Variants in SLC38A12 observed in about 807,000 individuals in gnomAD.
The protein encoded by SLC38A12 is putative sodium-coupled neutral amino acid transporter 12.
the SLC38A12 span, chr17:74,837,384 C>T: frequency 4.0e-5 from 39 of 985,556 alleles, no homozygotes; most frequent in Middle Eastern, 1.0e-3. Flanking sequence ...TACAGGGACA[C>T]AGCCGCCTGC....
chr17:74,821,291 A>G, the SLC38A12 span, among the ~76,000 whole-genome samples: 2 of 152,238 alleles, frequency 1.3e-5, no homozygotes, highest in Admixed American at 1.3e-4. Flanking sequence ...TTGGGCATCA[A>G]GCTGACACGA....
At chr17:74,789,688 A>G in the SLC38A12 span, among the ~76,000 whole-genome samples, 1 of 151,918 alleles carries the variant, frequency 6.6e-6, no homozygotes, top group South Asian at 2.1e-4. Context: ...TCTACTAAAA[A>G]TACAAAATTA....
the SLC38A12 span, among the ~76,000 whole-genome samples, chr17:74,794,232 A>G: frequency 6.6e-6 from 1 of 152,142 alleles, no homozygotes; most frequent in Non-Finnish European, 1.5e-5. Context: ...TCATGGACTT[A>G]CTGGGGTCCT....
the SLC38A12 span, among the ~76,000 whole-genome samples, chr17:74,782,462 G>A: frequency 2.0e-4 from 31 of 152,254 alleles, no homozygotes; most frequent in African/African-American, 7.2e-4. Context: ...TGTATCCTCA[G>A]CTCCAAGCAC....
the SLC38A12 span, among the ~76,000 whole-genome samples, chr17:74,811,045 T>C: frequency 0.24 from 37,257 of 152,260 alleles, 4,894 homozygotes; most frequent in East Asian, 0.42. Context: ...AGAATAGTAC[T>C]GGGGCTGGGC....
At chr17:74,827,298 C>CT in the SLC38A12 span, among the ~76,000 whole-genome samples, 249 of 140,364 alleles carry the variant, frequency 1.8e-3, no homozygotes, top group South Asian at 3.5e-3. This position sits in a 1 kb window ranked among gnomAD's most constrained non-coding sequence, Gnocchi z 4.7. Flanking sequence ...CAGTCATCTC[C>CT]TTTTTTTTTT....
chr17:74,808,828 C>T, the SLC38A12 span, among the ~76,000 whole-genome samples: 1 of 152,328 alleles, frequency 6.6e-6, no homozygotes, highest in African/African-American at 2.4e-5. Flanking sequence ...TCTGGGCAGA[C>T]ACAGGCTCCC....
At chr17:74,825,852 A>C in the SLC38A12 span, among the ~76,000 whole-genome samples, 1 of 152,186 alleles carries the variant, frequency 6.6e-6, no homozygotes, top group Non-Finnish European at 1.5e-5. Flanking sequence ...TCAGGCCGTC[A>C]TATACATCTG....
the SLC38A12 span, among the ~76,000 whole-genome samples, chr17:74,782,074 G>T: frequency 3.9e-5 from 6 of 152,056 alleles, no homozygotes; most frequent in African/African-American, 7.2e-5. Context: ...GCTTCATAAC[G>T]CCTCTCTCAA....
chr17:74,818,175 C>A, the SLC38A12 span, among the ~76,000 whole-genome samples: 1 of 152,212 alleles, frequency 6.6e-6, no homozygotes, highest in Non-Finnish European at 1.5e-5. Flanking sequence ...GCTCCTCTCC[C>A]TGGGCTGAGG....
At chr17:74,777,617 C>T in the SLC38A12 span, 1 of 1,476,822 alleles carries the variant, frequency 6.8e-7, no homozygotes, top group Non-Finnish European at 9.0e-7. Flanking sequence ...AATCGCCATG[C>T]TGTTTATAAT....
chr17:74,782,033 AT>A, the SLC38A12 span, among the ~76,000 whole-genome samples: 2 of 152,066 alleles, frequency 1.3e-5, no homozygotes, highest in Non-Finnish European at 2.9e-5. Flanking sequence ...ATGCTTTCCC[AT>A]TGTGTCTTCT....
the SLC38A12 span, among the ~76,000 whole-genome samples, chr17:74,813,667 A>G: frequency 6.6e-6 from 1 of 151,658 alleles, no homozygotes; most frequent in African/African-American, 2.4e-5. Context: ...CGCCTGGCTA[A>G]TTTTTGTATT....
chr17:74,819,654 C>A, the SLC38A12 span: 1 of 1,234,374 alleles, frequency 8.1e-7, no homozygotes, highest in Non-Finnish European at 1.2e-6. Context: ...CCGGCCTTAG[C>A]TATGGGCGGA....
chr17:74,839,405 G>C, the SLC38A12 span: 1 of 370,902 alleles, frequency 2.7e-6, no homozygotes, highest in Non-Finnish European at 5.0e-6. Context: ...CCTGGGGGAA[G>C]TGGAAGCGTC....
the SLC38A12 span, among the ~76,000 whole-genome samples, chr17:74,800,957 T>C: frequency 6.6e-6 from 1 of 152,122 alleles, no homozygotes; most frequent in Non-Finnish European, 1.5e-5. Flanking sequence ...GTCAAGAGTG[T>C]CCCTTCCTGG....
At chr17:74,805,535 C>A in the SLC38A12 span, among the ~76,000 whole-genome samples, 2 of 152,222 alleles carry the variant, frequency 1.3e-5, no homozygotes, top group Non-Finnish European at 2.9e-5. This position sits in a 1 kb window ranked among gnomAD's most constrained non-coding sequence, Gnocchi z 5.0. Flanking sequence ...AAGCTGGGGG[C>A]TTGCTGATGT....
the SLC38A12 span, chr17:74,838,655 C>T: frequency 2.9e-6 from 4 of 1,397,466 alleles, no homozygotes; most frequent in South Asian, 6.1e-5. Flanking sequence ...TGTCTAGCTG[C>T]TTTGCTCCTC....
At chr17:74,805,780 C>T in the SLC38A12 span, among the ~76,000 whole-genome samples, 42 of 152,342 alleles carry the variant, frequency 2.8e-4, no homozygotes, top group African/African-American at 1.0e-3. The surrounding 1 kb of genome is among the most constrained non-coding windows in gnomAD (Gnocchi z 5.0). Flanking sequence ...TTCCCACTGC[C>T]ATTGCTCTTC....
Sources: allele counts gnomAD v4.1 joint callset (sites outside exome capture counted in the v4.1 genomes callset), GRCh38; gene constraint gnomAD v4.1.1; non-coding constraint Gnocchi (gnomAD v3.1); transcripts MANE v1.5; gene names NCBI Gene and HGNC (gene_info 2026-07-23, HGNC 2026-07-21).